The following MSRA variants were observed in gnomAD, a reference collection of about 807,000 sequenced individuals.
The protein encoded by MSRA is methionine sulfoxide reductase A, also known as mitochondrial peptide methionine sulfoxide reductase.
A neutral mutation model predicts 31.3 loss-of-function variants in MSRA; 54 were observed. The observed-to-expected ratio is 1.73, with a 90% confidence interval of 1.39 to 2.17. The LOEUF (loss-of-function observed/expected upper bound fraction) is 2.17. MSRA is among the 30% of genes most tolerant of loss of function. The pLI is 0.00. For synonymous variants in MSRA, 169 were observed against 116.5 expected, an observed-to-expected ratio of 1.45 and a Z score of -2.90; for missense variants, 507 against 300.9, an observed-to-expected ratio of 1.69 and a Z score of -5.07.
At chr8:10,331,934 G>A (rs187069879) in intron 5 of MSRA, among the ~76,000 whole-genome samples, 412 of 152,208 alleles carry the variant, frequency 2.7e-3, no homozygotes, top group African/African-American at 7.9e-3. Flanking sequence ...ATCCAAGCAC[G>A]CAGAATGCAA....
At chr8:10,163,131 A>G (rs916342465) in intron 1 of MSRA, among the ~76,000 whole-genome samples, 14 of 152,312 alleles carry the variant, frequency 9.2e-5, no homozygotes, top group African/African-American at 2.6e-4. Context: ...ACTGTAGTCC[A>G]GAAGCGGGCT....
Position 10,428,500 on chromosome 8 carries a change from C to T in MSRA, c.*188C>T, listed in dbSNP as rs891260607. 6 of 607,784 alleles carry T rather than the reference C, an allele frequency of 9.9e-6. No individual in the cohort carries two copies. The highest frequency in any genetic ancestry group is 4.5e-4 in the Middle Eastern group (1 of 2,206). 37.6% of individuals were successfully genotyped at this position (607,784 alleles called of 1,614,324 possible). ...CAAGTTGATAAAATGTGACTTATCTCCTAATAAGTTATGGTGGGAGTGGAG... is the reference window on the plus strand; with the variant it reads ...CAAGTTGATAAAATGTGACTTATCTTCTAATAAGTTATGGTGGGAGTGGAG... On this transcript the variant is annotated 3_prime_UTR_variant, in exon 6 of 6. Transcript: ENST00000317173.
At chr8:10,148,101 C>A (rs145142741) in intron 1 of MSRA, among the ~76,000 whole-genome samples, 3 of 152,100 alleles carry the variant, frequency 2.0e-5, no homozygotes, top group Non-Finnish European at 2.9e-5. Flanking sequence ...AGGCAGTGGG[C>A]AGAAAGGGCT....
At chr8:10,073,421 C>CA (rs766186732) in intron 1 of MSRA, among the ~76,000 whole-genome samples, 6 of 152,196 alleles carry the variant, frequency 3.9e-5, no homozygotes, top group Non-Finnish European at 7.3e-5. Flanking sequence ...CTCAGTGTAA[C>CA]ACCAGAATCG....
intron 1 of MSRA, among the ~76,000 whole-genome samples, chr8:10,136,049 G>A (rs1306316004): frequency 7.1e-6 from 1 of 141,776 alleles, no homozygotes; most frequent in African/African-American, 2.4e-5. Flanking sequence ...GTGAGGCTGG[G>A]ACTTAGGCCT....
At chr8:10,088,868 A>G (rs1288394986) in intron 1 of MSRA, among the ~76,000 whole-genome samples, 2 of 152,378 alleles carry the variant, frequency 1.3e-5, no homozygotes, top group East Asian at 3.9e-4. Flanking sequence ...ATGCTAAGTG[A>G]AATGTGCAGA....
intron 5 of MSRA, among the ~76,000 whole-genome samples, chr8:10,412,651 C>G (rs1174955655): frequency 6.6e-6 from 1 of 152,192 alleles, no homozygotes; most frequent in Non-Finnish European, 1.5e-5. Flanking sequence ...ACAGACACTT[C>G]ACCAAAGAAG....
intron 5 of MSRA, among the ~76,000 whole-genome samples, chr8:10,415,140 C>T (rs778578437): frequency 5.9e-5 from 9 of 152,172 alleles, no homozygotes; most frequent in Non-Finnish European, 1.0e-4. Context: ...ACTATAGGAC[C>T]CTGAGTTTCA....
intron 5 of MSRA, among the ~76,000 whole-genome samples, chr8:10,361,878 G>T (rs1804867248): frequency 6.6e-6 from 1 of 151,916 alleles, no homozygotes; most frequent in Admixed American, 6.6e-5. Context: ...AAAGTTTTGT[G>T]GGTTTTCTTA....
chr8:10,183,612 A>G (rs1250734774), intron 1 of MSRA, among the ~76,000 whole-genome samples: 3 of 152,220 alleles, frequency 2.0e-5, no homozygotes, highest in Non-Finnish European at 4.4e-5. Flanking sequence ...AGCAGAGAGT[A>G]GGAGACAGGC....
chr8:10,396,952 C>T (rs1278280557), intron 5 of MSRA, among the ~76,000 whole-genome samples: 1 of 152,184 alleles, frequency 6.6e-6, no homozygotes, highest in African/African-American at 2.4e-5. Context: ...GGCTTCCAAA[C>T]CGTGAACATT....
chr8:10,200,104 G>T (rs1490944265), intron 1 of MSRA, among the ~76,000 whole-genome samples: 1 of 152,134 alleles, frequency 6.6e-6, no homozygotes, highest in East Asian at 1.9e-4. Context: ...GAGGTATGGG[G>T]GTTGCCTGAG....
chr8:10,346,413 G>A lies in MSRA; in HGVS notation c.543+26424G>A, dbSNP rs909298340. ...GTGTAAACACCCTCCCCCACTCTAG[G>A]GACTGTGCATCCCATCCTGCATCCA... On this transcript the variant is annotated intron_variant, in intron 5 of 5. Transcript: ENST00000317173. Among the ~76,000 whole-genome samples the A allele has an allele frequency of 4.6e-5, 7 of 152,046 alleles. No individual in the cohort carries two copies. In the South Asian group the frequency reaches 1.5e-3, roughly 32 times the overall value.
intron 5 of MSRA, among the ~76,000 whole-genome samples, chr8:10,396,214 A>G (rs1807088761): frequency 6.6e-6 from 1 of 152,212 alleles, no homozygotes; most frequent in Admixed American, 6.5e-5. Context: ...CCAGGCCTCC[A>G]GGAAGAAGCG....
At chr8:10,057,778 A>C (rs892441672) in intron 1 of MSRA, among the ~76,000 whole-genome samples, 2 of 152,148 alleles carry the variant, frequency 1.3e-5, no homozygotes, top group African/African-American at 4.8e-5. Context: ...CTCTTCTGCC[A>C]TGATTGTAAG....
chr8:10,214,964 C>T (rs1364902034), intron 2 of MSRA, among the ~76,000 whole-genome samples: 2 of 152,100 alleles, frequency 1.3e-5, no homozygotes, highest in African/African-American at 2.4e-5. Flanking sequence ...AAAGCATTGG[C>T]TGGGATGGTG....
chr8:10,136,307 C>G lies in MSRA; in HGVS notation c.143-71526C>G, dbSNP rs143105223. Among the ~76,000 whole-genome samples the G allele has an allele frequency of 4.3e-4, 65 of 152,272 alleles. No homozygotes were observed. In the East Asian group the frequency reaches 0.011, roughly 25 times the overall value. On this transcript the variant is annotated intron_variant, in intron 1 of 5. Transcript: ENST00000317173. ...TCAACTAGCTTCTGCTATCGGACTT[C>G]TGGGGAGAAAGGGTTTGGTGTTCAA...
intron 1 of MSRA, among the ~76,000 whole-genome samples, chr8:10,164,090 G>GTCTT (rs1585069445): frequency 6.6e-6 from 1 of 152,150 alleles, no homozygotes; most frequent in East Asian, 1.9e-4. Flanking sequence ...CTGTTAATCT[G>GTCTT]TCTTTCTTTT....
Position 10,113,289 on chromosome 8 carries a change from C to CTTTTTTTT in MSRA, c.142+58633_142+58634insTTTTTTTT, listed in dbSNP as rs1467440154. 9.8e-3 allele frequency among the ~76,000 whole-genome samples: 499 copies of CTTTTTTTT among 50,872 alleles called. 196 individuals are homozygous for CTTTTTTTT. Among genetic ancestry groups the CTTTTTTTT allele is most frequent in the Middle Eastern group, 0.056 (4 of 72 alleles). 33.4% of individuals were successfully genotyped at this position (50,872 alleles called of 152,430 possible). A position where few individuals can be genotyped will look rare whatever the true frequency, so the allele number is the denominator to read the frequency against. ...AGGCATGGCTTTGGTGAAGACAGGT[C>CTTTTTTTT]TTCTTTTTTTTTTTTTTTTTTTTTT... On this transcript the variant is annotated intron_variant, in intron 1 of 5. Transcript: ENST00000317173.
Sources: allele counts gnomAD v4.1 joint callset (sites outside exome capture counted in the v4.1 genomes callset), GRCh38; gene constraint gnomAD v4.1.1; transcripts MANE v1.5; gene names NCBI Gene and HGNC (gene_info 2026-07-23, HGNC 2026-07-21).